Variants in MON2 observed in about 807,000 individuals in gnomAD.
MON2 encodes MON2 regulator of endosome-to-Golgi trafficking, also known as protein MON2 homolog.
A neutral mutation model predicts 208.6 loss-of-function variants in MON2; 84 were observed. The ratio of observed to expected loss-of-function variants is 0.40; its 90% CI spans 0.34 to 0.48. The LOEUF is 0.48. MON2 is among the 20% of genes least tolerant of loss of function. The pLI is 0.59. For synonymous variants in MON2, 660 were observed against 694.0 expected, an observed-to-expected ratio of 0.95 and a Z score of 0.77; for missense variants, 1,611 against 2,015.4, an observed-to-expected ratio of 0.80 and a Z score of 3.84.
intron 26 of MON2, among the ~76,000 whole-genome samples, chr12:62,562,285 A>T (rs1331158033): frequency 6.6e-6 from 1 of 151,888 alleles, no homozygotes; most frequent in Non-Finnish European, 1.5e-5. Context: ...ATATATGTGT[A>T]CAGGATAAAC....
chr12:62,528,963 C>A (rs1271924219), intron 11 of MON2, among the ~76,000 whole-genome samples: 1 of 152,022 alleles, frequency 6.6e-6, no homozygotes, highest in East Asian at 1.9e-4. Flanking sequence ...CAGATGTTAA[C>A]CCCAGTACCC....
intron 30 of MON2, among the ~76,000 whole-genome samples, chr12:62,574,158 T>TA (rs2074696066): frequency 6.6e-6 from 1 of 152,194 alleles, no homozygotes; most frequent in South Asian, 2.1e-4. Context: ...TTAAATCACT[T>TA]AAAATGAATG....
intron 29 of MON2, among the ~76,000 whole-genome samples, chr12:62,570,214 T>C (rs2074539501): frequency 6.6e-6 from 1 of 152,172 alleles, no homozygotes; most frequent in African/African-American, 2.4e-5. Flanking sequence ...GTCACTATAC[T>C]TAGTCACTAT....
At chr12:62,510,472 C>G (rs11174520) in intron 8 of MON2, among the ~76,000 whole-genome samples, 1 of 151,844 alleles carries the variant, frequency 6.6e-6, no homozygotes, top group Non-Finnish European at 1.5e-5. Flanking sequence ...AATGTAAGGA[C>G]GTTTCAACAT....
chr12:62,591,619 A>G (rs185492042), intron 34 of MON2, among the ~76,000 whole-genome samples: 1 of 152,312 alleles, frequency 6.6e-6, no homozygotes, highest in Admixed American at 6.5e-5. Flanking sequence ...TTTTCCTAAG[A>G]AGTAAATTGA....
chr12:62,580,866 A>G (rs983471606), intron 32 of MON2, among the ~76,000 whole-genome samples: 8 of 152,202 alleles, frequency 5.3e-5, no homozygotes, highest in African/African-American at 1.9e-4. Context: ...TCAGTTTTGT[A>G]ATCTTTAAAA....
At chr12:62,504,537 G>A (rs577111259) in intron 7 of MON2, among the ~76,000 whole-genome samples, 26 of 152,146 alleles carry the variant, frequency 1.7e-4, no homozygotes, top group African/African-American at 4.8e-4. Flanking sequence ...GTGGGCCACC[G>A]CACCCGGCCT....
At position 62,500,850 on chromosome 12, in the gene MON2, T is replaced by C. The variant is rs1171676742; in HGVS notation, c.633T>C (p.Pro211=). The change falls in exon 6 of 35, where the codon CCT becomes CCC. Residue 211 remains proline (P), a synonymous_variant. Transcript: ENST00000393630. ...GAAGATCTGTCAGTACCCTCAAACC[T>C]TGTGCTAAAGATGCATATATGCTTT... is the stretch of plus-strand genomic sequence containing the variant. ...SNRRSVSTLK[P]CAKDAYMLFQ... is the part of the protein sequence containing the mutation. 1 of 1,589,048 alleles carries C rather than the reference T, an allele frequency of 6.3e-7. No homozygotes were observed.
At chr12:62,535,814 C>G in intron 14 of MON2, 105 bp downstream of exon 14, 2 of 687,170 alleles carry the variant, frequency 2.9e-6, no homozygotes, top group Non-Finnish European at 4.1e-6. Flanking sequence ...CACATACTGA[C>G]TGTGTGACCT....
intron 25 of MON2, among the ~76,000 whole-genome samples, chr12:62,558,667 A>T (rs2074085606): frequency 6.6e-6 from 1 of 150,462 alleles, no homozygotes; most frequent in Non-Finnish European, 1.5e-5. Context: ...CTGTGTTTTT[A>T]TTGTATGTAA....
intron 1 of MON2, among the ~76,000 whole-genome samples, chr12:62,468,792 A>C (rs1266614129): frequency 6.6e-6 from 1 of 152,202 alleles, no homozygotes; most frequent in African/African-American, 2.4e-5. Flanking sequence ...TTATAAGAGA[A>C]ATGCTCTCAT....
intron 8 of MON2, among the ~76,000 whole-genome samples, chr12:62,519,143 G>A (rs2071865691): frequency 6.6e-6 from 1 of 152,158 alleles, no homozygotes; most frequent in South Asian, 2.1e-4. Context: ...CCATGTGGAA[G>A]AGGGGGTGCT....
rs2070784483 is a variant in MON2, at chr12:62,500,789, T to C, written c.572T>C (p.Ile191Thr). Residue 191 changes from isoleucine (I) to threonine (T), a missense_variant, in exon 6 of 35, where the codon ATA becomes ACA. By Grantham distance (89) the Ile-to-Thr change is moderately conservative. Coordinates refer to ENST00000393630, the MANE Select transcript of MON2 (RefSeq NM_015026.3). ...VAEDERHRDI[I>T]EQPVLVQGNS... is the part of the protein sequence containing the mutation. ...CATCCTGTTTTGATTGCAGATATTATAGAACAACCAGTACTGGTACAAGGA... is the reference window on the plus strand; with the variant it reads ...CATCCTGTTTTGATTGCAGATATTACAGAACAACCAGTACTGGTACAAGGA... The C allele has an allele frequency of 6.4e-7, 1 of 1,569,374 alleles. No individual in the cohort carries two copies. The highest frequency in any genetic ancestry group is 8.7e-7 in the Non-Finnish European group (1 of 1,153,776).
intron 12 of MON2, among the ~76,000 whole-genome samples, chr12:62,533,348 G>A (rs150556772): frequency 6.6e-6 from 1 of 152,258 alleles, no homozygotes; most frequent in African/African-American, 2.4e-5. Flanking sequence ...TTAACTTTTT[G>A]TGGAAAAATA....
At chr12:62,534,171 G>A (rs2072791915) in intron 12 of MON2, among the ~76,000 whole-genome samples, 2 of 151,694 alleles carry the variant, frequency 1.3e-5, no homozygotes, top group Admixed American at 1.3e-4. Context: ...CAGGAGGATT[G>A]CTTGTGCCCA....
chr12:62,498,889 T>C (rs1592877588), intron 4 of MON2, 30 bp from the exon 5 acceptor site: 2 of 1,567,700 alleles, frequency 1.3e-6, no homozygotes, highest in African/African-American at 1.4e-5. Flanking sequence ...TTCAATCTTA[T>C]TTCACACTAA....
intron 20 of MON2, among the ~76,000 whole-genome samples, chr12:62,543,607 T>C (rs376092044): frequency 3.3e-5 from 5 of 151,988 alleles, no homozygotes; most frequent in African/African-American, 7.3e-5. Context: ...GCTTTTTTTT[T>C]TCTCTCTCTC....
intron 26 of MON2, among the ~76,000 whole-genome samples, chr12:62,564,128 G>A (rs2074289946): frequency 6.6e-6 from 1 of 152,024 alleles, no homozygotes; most frequent in Admixed American, 6.6e-5. Context: ...GGTATGGGGA[G>A]CACTTGCATA....
At chr12:62,591,670 G>T (rs1265775268) in intron 34 of MON2, among the ~76,000 whole-genome samples, 1 of 152,118 alleles carries the variant, frequency 6.6e-6, no homozygotes, top group Non-Finnish European at 1.5e-5. Context: ...ATTTTACAGT[G>T]GAAGAAGTAA....
Sources: gnomAD v4.1 joint callset for allele counts (sites outside exome capture counted in the v4.1 genomes callset) on GRCh38, gnomAD v4.1.1 for gene constraint, MANE v1.5 for transcripts, NCBI Gene and HGNC (gene_info 2026-07-23, HGNC 2026-07-21) for gene names.